Variants in MORC2 observed in about 807,000 individuals in gnomAD.
MORC2 encodes MORC family CW-type zinc finger 2.
Under a neutral mutation model 136.0 loss-of-function variants are expected in MORC2, and 30 were observed. The ratio of observed to expected loss-of-function variants is 0.22; its 90% confidence interval spans 0.17 to 0.30. The LOEUF (loss-of-function observed/expected upper bound fraction) is 0.30, where lower values mean the gene tolerates loss of function less well. MORC2 is among the 10% of genes least tolerant of loss of function. The pLI, the probability that MORC2 is intolerant of heterozygous loss-of-function variation, is 1.00. For synonymous variants in MORC2, 439 were observed against 487.0 expected (o/e 0.90, Z 1.30); for missense variants, 922 against 1,333.1 (o/e 0.69, Z 4.80).
intron 21 of MORC2, 146 bp downstream of exon 21, chr22:30,933,320 G>T: frequency 1.1e-6 from 1 of 891,598 alleles, no homozygotes; most frequent in Non-Finnish European, 1.7e-6. Context: ...TTCTGCTTGG[G>T]ATTAGACTTG....
Position 30,940,615 on chromosome 22 carries a change from T to A in MORC2, c.904+143A>T, listed in dbSNP as rs1272805638. ...GGAGTTGGCATGTAGTGAAAGGGGC[T>A]GCAAAGGAACTGAACTATGCTTCAG... On this transcript the variant is annotated intron_variant, in intron 10 of 25. Transcript: ENST00000397641. 10 of 718,330 alleles carry A rather than the reference T, an allele frequency of 1.4e-5. No homozygotes were observed. In the East Asian group the frequency reaches 2.5e-4, roughly 18 times the overall value. 44.5% of individuals were successfully genotyped at this position (718,330 alleles called of 1,614,324 possible).
intron 3 of MORC2, among the ~76,000 whole-genome samples, chr22:30,953,493 A>T (rs2040921823): frequency 6.6e-6 from 1 of 152,212 alleles, no homozygotes; most frequent in African/African-American, 2.4e-5. Context: ...AAGACAAGAG[A>T]TGTCAAATGG....
At chr22:30,952,754 T>C (rs1043907070) in intron 3 of MORC2, among the ~76,000 whole-genome samples, 8 of 152,244 alleles carry the variant, frequency 5.3e-5, no homozygotes, top group Admixed American at 3.9e-4. Flanking sequence ...GATCAGCTCT[T>C]CTGTGCCTGG....
Position 30,967,907 on chromosome 22 carries a change from C to T in MORC2, c.-18G>A, listed in dbSNP as rs1332173367. 3.3e-6 allele frequency: 5 copies of T among 1,512,948 alleles called. No homozygotes were observed. The highest frequency in any genetic ancestry group is 4.5e-6 in the Non-Finnish European group (5 of 1,112,486). 93.7% of individuals were successfully genotyped at this position (1,512,948 alleles called of 1,614,324 possible). Reference sequence around the variant, plus strand: ...AAAGCCATGACTGCAATAAGGTCTCCAGCCCTTCACCCGCTAACTGGGAAA... The same window carrying T: ...AAAGCCATGACTGCAATAAGGTCTCTAGCCCTTCACCCGCTAACTGGGAAA... On this transcript the variant is annotated 5_prime_UTR_variant, in exon 1 of 26. Transcript: ENST00000397641.
At chr22:30,940,124 C>T (rs1363712467) in intron 10 of MORC2, 83 bp from the exon 11 acceptor site, 16 of 1,358,340 alleles carry the variant, frequency 1.2e-5, no homozygotes, top group Middle Eastern at 1.8e-4. Flanking sequence ...GTACTGGACA[C>T]GAAGTGTGTA....
intron 6 of MORC2, among the ~76,000 whole-genome samples, chr22:30,945,344 C>A (rs886731652): frequency 2.6e-5 from 4 of 152,232 alleles, no homozygotes; most frequent in African/African-American, 9.6e-5. Flanking sequence ...CCATTCCCTA[C>A]CTGAACAAGT....
At chr22:30,950,741 T>C (rs982333196) in intron 3 of MORC2, among the ~76,000 whole-genome samples, 22 of 152,150 alleles carry the variant, frequency 1.4e-4, no homozygotes, top group Non-Finnish European at 2.9e-4. Context: ...CTCACACATA[T>C]CTCAATCATC....
At chr22:30,967,379 A>C in intron 1 of MORC2, 1 of 986,664 alleles carries the variant, frequency 1.0e-6, no homozygotes, top group Non-Finnish European at 1.2e-6. Flanking sequence ...TTTCTTCTTG[A>C]AAGTTGTCAT....
chr22:30,966,212 T>C (rs2041126173), intron 1 of MORC2, among the ~76,000 whole-genome samples: 2 of 152,250 alleles, frequency 1.3e-5, no homozygotes, highest in Admixed American at 6.5e-5. Flanking sequence ...CAGTTCATGG[T>C]CTTCCAAGAT....
intron 1 of MORC2, among the ~76,000 whole-genome samples, chr22:30,959,567 G>GT (rs771961407): frequency 7.9e-5 from 12 of 152,158 alleles, no homozygotes; most frequent in Non-Finnish European, 1.6e-4. Context: ...AATTTACACT[G>GT]TTTAATTTGT....
chr22:30,948,650 C>G (rs2040850422), intron 5 of MORC2, among the ~76,000 whole-genome samples: 1 of 152,194 alleles, frequency 6.6e-6, no homozygotes, highest in Non-Finnish European at 1.5e-5. Flanking sequence ...TGCACAGCAG[C>G]TCCATTTTGC....
In MORC2 at chr22:30,968,681, C is replaced by A. The variant is rs1295426035; in HGVS notation, c.-792G>T. Among the ~76,000 whole-genome samples, 3 of 152,112 alleles carry A rather than the reference C, an allele frequency of 2.0e-5. No individual in the cohort carries two copies. The highest frequency in any genetic ancestry group is 1.3e-4 in the Admixed American group (2 of 15,276). On this transcript the variant is annotated 5_prime_UTR_variant, in exon 1 of 26. Transcript: ENST00000397641. ...CGGGCCTCGGTCCCGTGGCCGCCTC[C>A]CCACGAAGAGGAGCTACTCCCGGCT...
chr22:30,941,382 C>T lies in MORC2; in HGVS notation c.824+51G>A. 6.3e-7 allele frequency: 1 copy of T among 1,596,990 alleles called. No individual in the cohort carries two copies. Among genetic ancestry groups the T allele is most frequent in the Non-Finnish European group, 8.5e-7 (1 of 1,169,726 alleles). On this transcript the variant is annotated intron_variant, in intron 9 of 25. Coordinates refer to ENST00000397641, the MANE Select transcript of MORC2 (RefSeq NM_001303256.3). The surrounding 1 kb of genome is among the most constrained non-coding windows in gnomAD (Gnocchi z 4.6). ...CTAACAATGCCCCAGAGAAACGCGG[C>T]CACATCCTCGACCCATGGGAGACAG...
chr22:30,967,905 T>G lies in MORC2; in HGVS notation c.-16A>C. The G allele has an allele frequency of 6.6e-7, 1 of 1,525,354 alleles. No homozygotes were observed. The highest frequency in any genetic ancestry group is 8.9e-7 in the Non-Finnish European group (1 of 1,123,630). The allele number at this position is 1,525,354 out of a possible 1,614,324, so 94.5% of individuals were successfully genotyped here. ...TGAAAGCCATGACTGCAATAAGGTCTCCAGCCCTTCACCCGCTAACTGGGA... is the reference window on the plus strand; with the variant it reads ...TGAAAGCCATGACTGCAATAAGGTCGCCAGCCCTTCACCCGCTAACTGGGA... On this transcript the variant is annotated 5_prime_UTR_variant, in exon 1 of 26. Coordinates refer to ENST00000397641, the MANE Select transcript of MORC2 (RefSeq NM_001303256.3).
chr22:30,952,147 A>T (rs1344638108), intron 3 of MORC2, among the ~76,000 whole-genome samples: 1 of 152,172 alleles, frequency 6.6e-6, no homozygotes, highest in Non-Finnish European at 1.5e-5. Context: ...AGTACAATAA[A>T]AGTCCAAAAA....
chr22:30,938,045 T>C lies in MORC2; in HGVS notation c.1214+20A>G. 6.2e-7 allele frequency: 1 copy of C among 1,613,934 alleles called. No individual in the cohort carries two copies. The highest frequency in any genetic ancestry group is 8.5e-7 in the Non-Finnish European group (1 of 1,179,942). On this transcript the variant is annotated intron_variant, in intron 13 of 25. Transcript: ENST00000397641. ...TGCCAACTATCCTGGGCTAGACAGCTCTCTGTGGGTAGTACTCACATGCCC... is the reference window on the plus strand; with the variant it reads ...TGCCAACTATCCTGGGCTAGACAGCCCTCTGTGGGTAGTACTCACATGCCC...
intron 18 of MORC2, 42 bp from the exon 19 acceptor site, chr22:30,935,203 A>G: frequency 1.2e-6 from 2 of 1,612,654 alleles, no homozygotes; most frequent in South Asian, 1.1e-5. Context: ...TGATCCTAGC[A>G]TGAGACACCT....
chr22:30,946,123 T>C (rs1488937743), intron 6 of MORC2, among the ~76,000 whole-genome samples: 1 of 152,242 alleles, frequency 6.6e-6, no homozygotes, highest in Non-Finnish European at 1.5e-5. Context: ...ACAGTTGTTC[T>C]CTGAAGTGCT....
rs2041034782 is a variant in MORC2, at chr22:30,960,861, TGTTA to T, written c.69-2171_69-2168del. 1.3e-5 allele frequency among the ~76,000 whole-genome samples: 2 copies of T among 150,682 alleles called. 1 individual carries two copies. Among genetic ancestry groups the T allele is most frequent in the Non-Finnish European group, 3.0e-5 (2 of 67,728 alleles). The stretch of plus-strand genomic sequence containing the variant: ...AACAGCCATATTTTGTTGTTGTTGT[TGTTA>T]TTTTGTTTTTTTGTTTTGAGACAGA... On this transcript the variant is annotated intron_variant, in intron 1 of 25. Coordinates refer to ENST00000397641, the MANE Select transcript of MORC2 (RefSeq NM_001303256.3).
Sources: gnomAD v4.1 joint callset for allele counts (sites outside exome capture counted in the v4.1 genomes callset) on GRCh38, gnomAD v4.1.1 for gene constraint, Gnocchi (gnomAD v3.1) non-coding constraint, MANE v1.5 for transcripts, NCBI Gene and HGNC (gene_info 2026-07-23, HGNC 2026-07-21) for gene names.